The following THSD4 variants were observed in gnomAD, a reference collection of about 807,000 sequenced individuals.
THSD4 encodes thrombospondin type 1 domain containing 4.
THSD4 carries 69 observed loss-of-function variants against 119.0 expected under a neutral mutation model. That is an observed-to-expected ratio of 0.58 (90% CI 0.48 to 0.71). The LOEUF (loss-of-function observed/expected upper bound fraction) is 0.71, where lower values mean the gene tolerates loss of function less well. Among genes scored for constraint, THSD4 ranks in the 30% least tolerant of loss-of-function variants. THSD4 has a pLI of 0.00. For synonymous variants in THSD4, 524 were observed against 540.4 expected, an observed-to-expected ratio of 0.97 and a Z score of 0.42; for missense variants, 1,393 against 1,391.1, an observed-to-expected ratio of 1.00 and a Z score of -0.02.
chr15:71,711,543 G>T (rs2052515965), intron 8 of THSD4, among the ~76,000 whole-genome samples: 1 of 152,066 alleles, frequency 6.6e-6, no homozygotes, highest in Admixed American at 6.6e-5. Flanking sequence ...AATAAAAAAG[G>T]TGACAAAGAA....
chr15:71,551,388 G>A (rs2048926091), intron 7 of THSD4, among the ~76,000 whole-genome samples: 1 of 152,120 alleles, frequency 6.6e-6, no homozygotes, highest in South Asian at 2.1e-4. Context: ...CTCATTAATT[G>A]CAAGAGCAAT....
intron 6 of THSD4, among the ~76,000 whole-genome samples, chr15:71,287,094 A>G (rs1194388065): frequency 6.6e-6 from 1 of 152,220 alleles, no homozygotes; most frequent in Non-Finnish European, 1.5e-5. Context: ...CCTGTTTAAG[A>G]AGAATGATAT....
At chr15:71,248,261 G>T (rs1229128063) in intron 5 of THSD4, among the ~76,000 whole-genome samples, 1 of 152,126 alleles carries the variant, frequency 6.6e-6, no homozygotes, top group Non-Finnish European at 1.5e-5. Flanking sequence ...AGCTTGGGGG[G>T]CAGAGTAATA....
intron 7 of THSD4, among the ~76,000 whole-genome samples, chr15:71,442,498 G>T (rs2047111766): frequency 6.9e-6 from 1 of 144,084 alleles, no homozygotes; most frequent in Admixed American, 7.0e-5. Context: ...GAACCCGGGA[G>T]GCAGAGGTTG....
intron 7 of THSD4, among the ~76,000 whole-genome samples, chr15:71,636,635 T>C (rs2050750119): frequency 6.6e-6 from 1 of 152,120 alleles, no homozygotes; most frequent in African/African-American, 2.4e-5. Context: ...GTTCCTGCAT[T>C]CTCCACTTCC....
intron 5 of THSD4, among the ~76,000 whole-genome samples, chr15:71,243,337 G>A (rs531915264): frequency 2.4e-4 from 36 of 150,976 alleles, no homozygotes; most frequent in Non-Finnish European, 4.7e-4. Flanking sequence ...ATTGACAATC[G>A]CTTAATGGTG....
At chr15:71,116,588 G>A (rs540849303) in intron 1 of THSD4, among the ~76,000 whole-genome samples, 2 of 152,140 alleles carry the variant, frequency 1.3e-5, no homozygotes, top group Admixed American at 6.5e-5. Flanking sequence ...TCTCTACCAC[G>A]CTGCGCTTCG....
intron 6 of THSD4, among the ~76,000 whole-genome samples, chr15:71,329,363 G>C (rs1596340665): frequency 6.6e-6 from 1 of 152,258 alleles, no homozygotes; most frequent in East Asian, 1.9e-4. Flanking sequence ...AATGTGGGAG[G>C]CTTCAGCCTG....
At chr15:71,548,889 C>T (rs960263804) in intron 7 of THSD4, among the ~76,000 whole-genome samples, 6 of 152,170 alleles carry the variant, frequency 3.9e-5, no homozygotes, top group African/African-American at 4.8e-5. Context: ...GGGAGACCCC[C>T]GAACTGAGCA....
At chr15:71,409,345 T>A (rs1466173517) in intron 6 of THSD4, among the ~76,000 whole-genome samples, 1 of 152,146 alleles carries the variant, frequency 6.6e-6, no homozygotes, top group East Asian at 1.9e-4. Flanking sequence ...GCAATGCACC[T>A]GGATAGTTCT....
intron 7 of THSD4, among the ~76,000 whole-genome samples, chr15:71,605,948 C>T (rs570385074): frequency 5.8e-4 from 89 of 152,242 alleles, no homozygotes; most frequent in Non-Finnish European, 9.4e-4. Flanking sequence ...AGAGACAAAA[C>T]CAACGGAGTG....
chr15:71,550,055 C>T (rs1296825295), intron 7 of THSD4, among the ~76,000 whole-genome samples: 1 of 152,240 alleles, frequency 6.6e-6, no homozygotes, highest in Non-Finnish European at 1.5e-5. Flanking sequence ...GAGCATTAAA[C>T]TCAGAACAGT....
At position 71,215,293 on chromosome 15, in the gene THSD4, G is replaced by A. The variant is rs931630384; in HGVS notation, c.358G>A (p.Glu120Lys). ...GGTGCCACTGCACCGGAGCCGCGAC[G>A]AGACGCCAGCGCTGGCCGGTACGGA... ...TSVPLHRSRD[E>K]TPALAGTDAS... Residue 120 changes from glutamate to lysine, a missense_variant, in exon 4 of 18, where the codon GAG becomes AAG. Transcript: ENST00000261862. 5.1e-5 allele frequency: 78 copies of A among 1,522,534 alleles called. No homozygotes were observed. Among genetic ancestry groups the A allele is most frequent in the Middle Eastern group, 4.3e-4 (2 of 4,642 alleles). The allele number at this position is 1,522,534 out of a possible 1,614,324, so 94.3% of individuals were successfully genotyped here. A position where few individuals can be genotyped will look rare whatever the true frequency, so the allele number is the denominator to read the frequency against.
chr15:71,716,378 A>C (rs548243252), intron 8 of THSD4, among the ~76,000 whole-genome samples: 1 of 152,326 alleles, frequency 6.6e-6, no homozygotes, highest in East Asian at 1.9e-4. Flanking sequence ...GGAGGACACT[A>C]TTCAACCCAG....
At chr15:71,341,531 C>T (rs374357357) in intron 6 of THSD4, 45 of 1,611,286 alleles carry the variant, frequency 2.8e-5, no homozygotes, top group African/African-American at 4.0e-5. Context: ...GTTGTAATGT[C>T]GGAATGGTAC....
At chr15:71,433,617 A>G (rs2046969719) in intron 7 of THSD4, among the ~76,000 whole-genome samples, 1 of 152,134 alleles carries the variant, frequency 6.6e-6, no homozygotes, top group Non-Finnish European at 1.5e-5. Context: ...CTCATTGGGC[A>G]CACAGGTGGC....
At chr15:71,307,597 A>C (rs185946203) in intron 6 of THSD4, among the ~76,000 whole-genome samples, 1 of 152,042 alleles carries the variant, frequency 6.6e-6, no homozygotes, top group African/African-American at 2.4e-5. Context: ...TGGTGAAACC[A>C]GTCTCTACTA....
intron 8 of THSD4, among the ~76,000 whole-genome samples, chr15:71,689,994 C>T (rs929595421): frequency 2.6e-5 from 4 of 152,334 alleles, no homozygotes; most frequent in African/African-American, 9.6e-5. Flanking sequence ...CCGCTTCAAA[C>T]TTCCCACTGG....
At chr15:71,702,233 G>T (rs1452689057) in intron 8 of THSD4, among the ~76,000 whole-genome samples, 1 of 152,186 alleles carries the variant, frequency 6.6e-6, no homozygotes, top group Non-Finnish European at 1.5e-5. Context: ...ATGTTGTAAC[G>T]GGACCAGGGA....
Sources: gnomAD v4.1 joint callset for allele counts (sites outside exome capture counted in the v4.1 genomes callset) on GRCh38, gnomAD v4.1.1 for gene constraint, MANE v1.5 for transcripts, NCBI Gene and HGNC (gene_info 2026-07-23, HGNC 2026-07-21) for gene names.